The following ZNF846 variants were observed in gnomAD, a reference collection of about 807,000 sequenced individuals.
The protein encoded by ZNF846 is zinc finger protein 420 pseudogene.
A neutral mutation model predicts 16.0 loss-of-function variants in ZNF846; 15 were observed. The ratio of observed to expected loss-of-function variants is 0.94; its 90% CI spans 0.63 to 1.45. ZNF846 has a LOEUF of 1.45. ZNF846 is among the 40% of genes most tolerant of loss of function. ZNF846 has a pLI of 0.00. For missense variants in ZNF846, 714 were observed against 622.3 expected (o/e 1.15, Z -1.57); for synonymous variants, 229 against 212.0 (o/e 1.08, Z -0.70).
At position 9,763,039 on chromosome 19, in the gene ZNF846, G is replaced by A. The variant is rs541736372; in HGVS notation, c.142+243C>T. Among the ~76,000 whole-genome samples, 4 of 152,114 alleles carry A rather than the reference G, an allele frequency of 2.6e-5. No individual in the cohort carries two copies. In the South Asian group the frequency reaches 8.3e-4, roughly 32 times the overall value. On this transcript the variant is annotated intron_variant, in intron 3 of 5. Transcript: ENST00000397902. ...CACACCTGTAATCCCAGCTACCTGG[G>A]AGGCTGAGGCAGGAGAATCACTTGA...
chr19:9,775,174 CAT>C (rs1451855489), intron 1 of ZNF846, among the ~76,000 whole-genome samples: 2 of 147,698 alleles, frequency 1.4e-5, no homozygotes, highest in South Asian at 4.2e-4. Context: ...AATATATATA[CAT>C]ATATATGTGT....
intron 2 of ZNF846, among the ~76,000 whole-genome samples, chr19:9,764,193 G>A (rs74257270): frequency 0.11 from 16,648 of 152,200 alleles, 1,306 homozygotes; most frequent in Admixed American, 0.23. Context: ...ATCTTGTCAC[G>A]GCTCTTGTAG....
exon 6 of ZNF846, chr19:9,758,397 A>G (rs778678808): frequency 4.3e-6 from 7 of 1,613,134 alleles, no homozygotes; most frequent in Admixed American, 1.7e-5. Context: ...TTCCTTACAT[A>G]CATAGTGTTT....
chr19:9,766,756 T>TG (rs2045321397), intron 1 of ZNF846, among the ~76,000 whole-genome samples: 1 of 151,598 alleles, frequency 6.6e-6, no homozygotes, highest in Non-Finnish European at 1.5e-5. Context: ...AAAAATTAGC[T>TG]GGGCATGGTG....
At chr19:9,763,835 G>C (rs2045270086) in intron 2 of ZNF846, among the ~76,000 whole-genome samples, 1 of 152,202 alleles carries the variant, frequency 6.6e-6, no homozygotes, top group Non-Finnish European at 1.5e-5. Context: ...GGATCAGAAA[G>C]AATTAGTAAA....
In ZNF846 at chr19:9,757,793, C is replaced by T. The variant is rs776970937; in HGVS notation, c.1284G>A (p.Gly428=). 4 of 1,613,432 alleles carry T rather than the reference C, an allele frequency of 2.5e-6. No individual in the cohort carries two copies. In the South Asian group the frequency reaches 4.4e-5, roughly 18 times the overall value. ...GGCCCGAGGATTGAGTGAAAGCTTT[C>T]CCACATTCTTTGCATTCATATGGCT... Residue 428 remains glycine, a synonymous_variant, in exon 6 of 6, where the codon GGG becomes GGA. Coordinates refer to ENST00000397902, the Ensembl canonical transcript of ZNF846.
At chr19:9,777,599 A>C (rs1337879104) in intron 1 of ZNF846, among the ~76,000 whole-genome samples, 1 of 150,774 alleles carries the variant, frequency 6.6e-6, no homozygotes, top group East Asian at 1.9e-4. Flanking sequence ...TGAACCAGGG[A>C]GTCGGAGGTT....
chr19:9,762,110 C>T (rs2045240172), exon 4 of ZNF846: 3 of 1,613,946 alleles, frequency 1.9e-6, no homozygotes, highest in Non-Finnish European at 2.5e-6. Flanking sequence ...CTCCTGTCCT[C>T]AGCTCTTCCA....
intron 4 of ZNF846, among the ~76,000 whole-genome samples, chr19:9,761,198 G>A (rs1039912213): frequency 7.1e-6 from 1 of 139,874 alleles, no homozygotes; most frequent in African/African-American, 2.9e-5. Context: ...GAGAGACTCT[G>A]TCTCAAACAA....
chr19:9,755,100 G>T (rs2045120635), downstream of ZNF846, among the ~76,000 whole-genome samples: 3 of 151,416 alleles, frequency 2.0e-5, no homozygotes, highest in Admixed American at 2.0e-4. Flanking sequence ...TCTTGACCTT[G>T]TGATCCACAC....
At chr19:9,749,541 T>C (rs914843680), downstream of ZNF846, among the ~76,000 whole-genome samples, 3 of 137,326 alleles carry the variant, frequency 2.2e-5, no homozygotes, top group Middle Eastern at 3.3e-3. Flanking sequence ...TCCTGATAAG[T>C]CTTTCTTTTT....
chr19:9,765,985 T>A (rs2045309463), intron 1 of ZNF846, among the ~76,000 whole-genome samples: 1 of 152,178 alleles, frequency 6.6e-6, no homozygotes, highest in South Asian at 2.1e-4. Flanking sequence ...GAAAAAATAC[T>A]CTAGTTGACT....
At chr19:9,763,373 A>G (rs1422922450) in exon 3 of ZNF846, 4 of 1,611,542 alleles carry the variant, frequency 2.5e-6, no homozygotes, top group African/African-American at 1.3e-5. Context: ...CCTCCTGGGT[A>G]AAGTCCACAG....
chr19:9,781,922 T>G (rs1361506785), intron 1 of ZNF846, among the ~76,000 whole-genome samples: 1 of 151,564 alleles, frequency 6.6e-6, no homozygotes, highest in African/African-American at 2.4e-5. Context: ...GGATTACAGG[T>G]GCACATCACC....
At chr19:9,775,213 G>GTGTGTA (rs1253749614) in intron 1 of ZNF846, among the ~76,000 whole-genome samples, 7 of 150,456 alleles carry the variant, frequency 4.7e-5, no homozygotes, top group African/African-American at 1.7e-4. Flanking sequence ...GTGTGTGTGT[G>GTGTGTA]TATATATATA....
intron 1 of ZNF846, among the ~76,000 whole-genome samples, chr19:9,780,137 T>C (rs1452459209): frequency 1.4e-5 from 2 of 140,954 alleles, no homozygotes; most frequent in Non-Finnish European, 3.0e-5. Context: ...GCAATCCCCC[T>C]ACCTCAGCCT....
At chr19:9,754,589 C>CAAAAAAAAAAAAAAAAAAAAAAAAAA (rs1203086590), downstream of ZNF846, among the ~76,000 whole-genome samples, 12 of 104,014 alleles carry the variant, frequency 1.2e-4, no homozygotes, top group South Asian at 5.8e-4. Context: ...AAAAAAAAAG[C>CAAAAAAAAAAAAAAAAAAAAAAAAAA]AAAGGGCAAC....
rs1048449318 is a variant in ZNF846 at position 9,763,317 on chromosome 19, A to G, written c.107T>C (p.Val36Ala). The G allele has an allele frequency of 3.7e-6, 6 of 1,606,692 alleles. No individual in the cohort carries two copies. In the Admixed American group the frequency reaches 5.1e-5, roughly 14 times the overall value. ...GAGATTCTTGTAGTTCTCCAACATC[A>G]CATCTCTGTAGAGATCTCTCTGGGC... Residue 36 changes from valine to alanine, a missense_variant, in exon 3 of 6, where the codon GTG (valine) becomes GCG (alanine). Val to Ala is a moderately conservative substitution (Grantham distance 64). Transcript: ENST00000397902.
At chr19:9,772,209 C>G (rs2045395626), upstream of ZNF846, among the ~76,000 whole-genome samples, 1 of 152,074 alleles carries the variant, frequency 6.6e-6, no homozygotes. Flanking sequence ...CCAAACCTTC[C>G]AAGTTCAAAT....
Sources: allele counts gnomAD v4.1 joint callset (sites outside exome capture counted in the v4.1 genomes callset), GRCh38; gene constraint gnomAD v4.1.1; transcripts MANE v1.5; gene names NCBI Gene and HGNC (gene_info 2026-07-23, HGNC 2026-07-21).